The following NBPF15 variants were observed in gnomAD, a reference collection of about 807,000 sequenced individuals.
The protein encoded by NBPF15 is NBPF family member NBPF15.
In NBPF15, 74 loss-of-function variants were observed where a neutral mutation model predicts 62.2. The ratio of observed to expected loss-of-function variants is 1.19; its 90% CI spans 0.99 to 1.44. The LOEUF (loss-of-function observed/expected upper bound fraction) is 1.44, where lower values mean the gene tolerates loss of function less well. NBPF15 is among the 40% of genes most tolerant of loss of function. The pLI, the probability that NBPF15 is intolerant of heterozygous loss-of-function variation, is 0.00. For synonymous variants in NBPF15, 244 were observed against 209.7 expected, an observed-to-expected ratio of 1.16 and a Z score of -1.41; for missense variants, 790 against 550.0, an observed-to-expected ratio of 1.44 and a Z score of -4.36.
intron 20 of NBPF15, among the ~76,000 whole-genome samples, chr1:144,424,324 A>C (rs1383885381): frequency 1.3e-5 from 2 of 151,448 alleles, no homozygotes; most frequent in Non-Finnish European, 2.9e-5. Context: ...CTCATCAAAT[A>C]CTCAGATTGT....
chr1:144,451,492 G>A (rs1691120748), intron 4 of NBPF15, among the ~76,000 whole-genome samples: 1 of 151,746 alleles, frequency 6.6e-6, no homozygotes, highest in South Asian at 2.1e-4. Flanking sequence ...CTTCCCACGA[G>A]GCTGTATTTC....
chr1:144,429,328 A>C (rs1672476591), intron 14 of NBPF15, among the ~76,000 whole-genome samples: 1 of 150,402 alleles, frequency 6.6e-6, no homozygotes, highest in South Asian at 2.1e-4. Context: ...CTTTGGGAAC[A>C]AAACTCATAA....
chr1:144,457,544 G>T (rs1285866944), intron 3 of NBPF15, among the ~76,000 whole-genome samples: 1 of 151,938 alleles, frequency 6.6e-6, no homozygotes, highest in Admixed American at 6.6e-5. Flanking sequence ...GTTGAATATG[G>T]TATTAGTATG....
At chr1:144,427,024 C>T (rs1289837834) in intron 17 of NBPF15, 23 bp downstream of exon 17, 9 of 760,536 alleles carry the variant, frequency 1.2e-5, no homozygotes, top group African/African-American at 1.0e-4. Flanking sequence ...CACAATTAAG[C>T]ATCCATAATT....
Position 144,447,944 on chromosome 1 carries a change from G to A in NBPF15, c.-191+831C>T, listed in dbSNP as rs587760566. ...AGATGCTCACAGAGAACCACAGACCGCACGGCTCCAGAGTCAGGGGCAGCA... is the reference window on the plus strand; with the variant it reads ...AGATGCTCACAGAGAACCACAGACCACACGGCTCCAGAGTCAGGGGCAGCA... On this transcript the variant is annotated intron_variant, in intron 6 of 21. Coordinates refer to ENST00000581897, the MANE Select transcript of NBPF15 (RefSeq NM_001385408.1). Among the ~76,000 whole-genome samples, 21 of 152,134 alleles carry A rather than the reference G, an allele frequency of 1.4e-4. 1 individual carries two copies. The highest frequency in any genetic ancestry group is 2.4e-4 in the African/African-American group (10 of 41,518).
intron 8 of NBPF15, among the ~76,000 whole-genome samples, chr1:144,439,220 G>C (rs1320385374): frequency 2.2e-4 from 34 of 151,904 alleles, no homozygotes; most frequent in Middle Eastern, 3.4e-3. Context: ...CTGACCTCAT[G>C]ATCTGCCCGC....
chr1:144,422,862 C>A lies in NBPF15; in HGVS notation c.*151G>T. On this transcript the variant is annotated 3_prime_UTR_variant, in exon 22 of 22. Transcript: ENST00000581897. ...TGTCTTCAGATTGAGCACAGGTTGC[C>A]AATGGCATGGTTTGAGAATAGGAAT... 6.4e-7 allele frequency: 1 copy of A among 1,571,002 alleles called. No homozygotes were observed. Among genetic ancestry groups the A allele is most frequent in the Non-Finnish European group, 8.6e-7 (1 of 1,159,286 alleles).
intron 20 of NBPF15, among the ~76,000 whole-genome samples, chr1:144,424,196 T>C (rs1219359652): frequency 4.6e-5 from 7 of 152,064 alleles, no homozygotes; most frequent in African/African-American, 1.4e-4. Flanking sequence ...AGTAGATCGT[T>C]ATCCCAATAA....
Position 144,423,209 on chromosome 1 carries a change from T to C in NBPF15, c.1817A>G (p.Asp606Gly), listed in dbSNP as rs1666951146. ...AGTCGAATAACATCTATCCAGTGAG[T>C]CCTGTAAGACTTCAGGCTCTTCCAC... ...MEVEEPEVLQ[D>G]SLDRCYSTPS... Residue 606 changes from aspartate (D) to glycine (G), a missense_variant, in exon 22 of 22, where the codon GAC becomes GGC. By Grantham distance (94) the Asp-to-Gly change is moderately conservative. Coordinates refer to ENST00000581897, the MANE Select transcript of NBPF15 (RefSeq NM_001385408.1). The C allele has an allele frequency of 6.2e-7, 1 of 1,611,536 alleles. No homozygotes were observed. Among genetic ancestry groups the C allele is most frequent in the Non-Finnish European group, 8.5e-7 (1 of 1,179,586 alleles).
chr1:144,426,660 G>C lies in NBPF15; in HGVS notation c.1266-210C>G, dbSNP rs1377832799. On this transcript the variant is annotated intron_variant, in intron 17 of 21. Transcript: ENST00000581897. ...AAAGACAGGGAGAGGGAGAGAGAGA[G>C]AGAGGAGAAAGTGAGCTCAGCGAAT... Among the ~76,000 whole-genome samples, 49 of 151,354 alleles carry C rather than the reference G, an allele frequency of 3.2e-4. 1 individual carries two copies. The highest frequency in any genetic ancestry group is 6.4e-4 in the Non-Finnish European group (43 of 67,638).
In NBPF15 at chr1:144,440,280, C is replaced by T. The variant is rs587699345; in HGVS notation, c.-175G>A. 35 of 1,484,726 alleles carry T rather than the reference C, an allele frequency of 2.4e-5. No homozygotes were observed. In the Admixed American group the frequency reaches 2.5e-4, roughly 11 times the overall value. The allele number at this position is 1,484,726 out of a possible 1,614,324, so 92.0% of individuals were successfully genotyped here. ...TAAGAGTGAGGTAGATTGTGGCCAG[C>T]GTGCCAGGTAACCGTCTGCAGTTGC... On this transcript the variant is annotated 5_prime_UTR_variant, in exon 7 of 22. Transcript: ENST00000581897.
chr1:144,435,073 T>C, intron 12 of NBPF15, 38 bp downstream of exon 12: 3 of 1,611,792 alleles, frequency 1.9e-6, no homozygotes, highest in Non-Finnish European at 2.5e-6. Flanking sequence ...TTCCTCAGCC[T>C]AGAGAGAGGT....
chr1:144,459,553 AG>A (rs1650866591), intron 2 of NBPF15, 70 bp from the exon 3 acceptor site: 1 of 151,642 alleles, frequency 6.6e-6, no homozygotes, highest in Non-Finnish European at 1.5e-5. Flanking sequence ...AAGAGCGAAA[AG>A]GCAAGCTACA....
chr1:144,445,423 A>G (rs1368301007), intron 6 of NBPF15, among the ~76,000 whole-genome samples: 28 of 146,038 alleles, frequency 1.9e-4, no homozygotes, highest in Non-Finnish European at 3.6e-4. Context: ...ATGTCCTAAG[A>G]ATCAATTAGA....
intron 6 of NBPF15, among the ~76,000 whole-genome samples, chr1:144,447,945 C>A (rs587676492): frequency 6.7e-4 from 102 of 152,136 alleles, no homozygotes; most frequent in Non-Finnish European, 1.3e-3. Flanking sequence ...CCACAGACCG[C>A]ACGGCTCCAG....
At position 144,423,928 on chromosome 1, in the gene NBPF15, T is replaced by A. The variant is rs1259409131; in HGVS notation, c.1711A>T (p.Lys571Ter). Residue 571 changes from lysine (K) to a stop codon, truncating the protein, a stop_gained, in exon 21 of 22, where the codon AAG becomes TAG. Coordinates refer to ENST00000581897, the MANE Select transcript of NBPF15 (RefSeq NM_001385408.1). LOFTEE classifies it high-confidence loss of function. The stretch of plus-strand genomic sequence containing the variant: ...TTTCTTCCCCTTCTTCTTTTCTTCT[T>A]TGATCTTCTTCCCCTTCTTTTCTTC... ...KGKKRRGRRSKKKRRRGRKEG... is the reference protein window; with the variant it reads ...KGKKRRGRRS 2.5e-6 allele frequency: 2 copies of A among 793,320 alleles called. No homozygotes were observed. The highest frequency in any genetic ancestry group is 4.5e-6 in the Non-Finnish European group (2 of 443,858). The allele number at this position is 793,320 out of a possible 1,614,324, so 49.1% of individuals were successfully genotyped here.
At chr1:144,432,513 C>A (rs1432110946) in intron 13 of NBPF15, among the ~76,000 whole-genome samples, 2 of 151,842 alleles carry the variant, frequency 1.3e-5, no homozygotes, top group African/African-American at 2.4e-5. Flanking sequence ...CACAGAATGG[C>A]AAATTGGATA....
intron 4 of NBPF15, among the ~76,000 whole-genome samples, chr1:144,452,108 C>T (rs1279505659): frequency 9.3e-5 from 14 of 151,306 alleles, no homozygotes; most frequent in Admixed American, 2.6e-4. Flanking sequence ...GCTGAGATGG[C>T]GCCGTTGCAT....
At chr1:144,433,274 C>T (rs4950626) in intron 13 of NBPF15, among the ~76,000 whole-genome samples, 3 of 151,982 alleles carry the variant, frequency 2.0e-5, no homozygotes, top group Admixed American at 6.6e-5. Flanking sequence ...ACACAACATA[C>T]CAGAATCTCT....
Sources: allele counts gnomAD v4.1 joint callset (sites outside exome capture counted in the v4.1 genomes callset), GRCh38; gene constraint gnomAD v4.1.1; transcripts MANE v1.5; gene names NCBI Gene and HGNC (gene_info 2026-07-23, HGNC 2026-07-21).